The following VPS4B variants were observed in gnomAD, a reference collection of about 807,000 sequenced individuals.
VPS4B encodes vacuolar protein sorting 4 homolog B, also known as vacuolar protein sorting-associated protein 4B.
VPS4B carries 23 observed loss-of-function variants against 56.1 expected under a neutral mutation model. That is an observed-to-expected ratio of 0.41 (90% CI 0.30 to 0.58). The LOEUF (loss-of-function observed/expected upper bound fraction) is 0.58. Ranked by LOEUF, VPS4B falls within the 20% of genes least tolerant of loss-of-function variation. The probability of loss-of-function intolerance (pLI) is 0.29; values close to 1 mark genes in which losing one functional copy is unlikely to be tolerated. For missense variants in VPS4B, 372 were observed against 531.9 expected, an observed-to-expected ratio of 0.70 and a Z score of 2.96; for synonymous variants, 177 against 186.0, an observed-to-expected ratio of 0.95 and a Z score of 0.39.
intron 4 of VPS4B, 136 bp from the exon 5 acceptor site, chr18:63,403,962 G>C (rs1370310810): frequency 1.0e-6 from 1 of 997,152 alleles, no homozygotes; most frequent in Non-Finnish European, 1.4e-6. Flanking sequence ...TTTTGAAATA[G>C]CGTGAGCAGG....
chr18:63,396,787 G>C, intron 9 of VPS4B: 1 of 409,264 alleles, frequency 2.4e-6, no homozygotes, highest in Non-Finnish European at 4.4e-6. Flanking sequence ...TCAGGAGTTC[G>C]AGACCAGCCT....
At chr18:63,399,179 G>A in intron 8 of VPS4B, 63 bp downstream of exon 8, 11 of 1,428,958 alleles carry the variant, frequency 7.7e-6, no homozygotes, top group Non-Finnish European at 1.1e-5. Flanking sequence ...AAGACAAAAA[G>A]AGAATTATCA....
chr18:63,411,655 GT>G (rs11383277), intron 1 of VPS4B, 77 bp from the exon 2 acceptor site: 8,818 of 746,428 alleles, frequency 0.012, no homozygotes, highest in Non-Finnish European at 0.013. Flanking sequence ...CATACTGAAA[GT>G]TTTTTTTTTT....
chr18:63,400,630 A>C lies in VPS4B; in HGVS notation c.558T>G (p.Ala186=). The change falls in exon 6 of 11, where the codon GCT becomes GCG. Residue 186 remains alanine (A), a synonymous_variant. Coordinates refer to ENST00000238497, the MANE Select transcript of VPS4B (RefSeq NM_004869.4). The part of the protein sequence containing the change: ...PGTGKSYLAK[A]VATEANNSTF... ...TTGAGTTGTTGGCTTCTGTTGCTAC[A>C]GCTTTGGCTAAGTAGGACTTTCCTG... 6.2e-7 allele frequency: 1 copy of C among 1,611,736 alleles called. No individual in the cohort carries two copies. Among genetic ancestry groups the C allele is most frequent in the Non-Finnish European group, 8.5e-7 (1 of 1,179,496 alleles).
In VPS4B at chr18:63,410,354, T is replaced by TTTTCAG; in HGVS notation, c.226_231dup (p.Leu76_Lys77dup). 1 of 1,614,112 alleles carries TTTTCAG rather than the reference T, an allele frequency of 6.2e-7. No homozygotes were observed. The highest frequency in any genetic ancestry group is 1.1e-5 in the South Asian group (1 of 91,086). ...GGCTTCTGTGCTTTTTTCTCTTTAT[T>TTTTCAG]TTTCAGGTACTCCTTTAGTTTTTCT... On this transcript the variant is annotated inframe_insertion, in exon 3 of 11. Coordinates refer to ENST00000238497, the MANE Select transcript of VPS4B (RefSeq NM_004869.4).
At chr18:63,408,289 CAT>C (rs3837895) in intron 3 of VPS4B, among the ~76,000 whole-genome samples, 33,053 of 151,878 alleles carry the variant, frequency 0.22, 4,444 homozygotes, top group East Asian at 0.37. Flanking sequence ...AAAACAATAA[CAT>C]ATAAAGGGAG....
chr18:63,400,235 G>T (rs766511734), intron 6 of VPS4B, 39 bp from the exon 7 acceptor site: 1 of 1,552,706 alleles, frequency 6.4e-7, no homozygotes, highest in East Asian at 2.3e-5. Context: ...CTAAAAAATA[G>T]TAAAAGATTA....
chr18:63,422,281 C>T lies in VPS4B; in HGVS notation c.-22G>A, dbSNP rs1568093847. ...ACATGGCGGAGTTCCCAGGCGGTTCCCAAGGGAACGAGGGGCGAGGAGAGC... is the reference window on the plus strand; with the variant it reads ...ACATGGCGGAGTTCCCAGGCGGTTCTCAAGGGAACGAGGGGCGAGGAGAGC... On this transcript the variant is annotated 5_prime_UTR_variant, in exon 1 of 11. Transcript: ENST00000238497. 1.3e-6 allele frequency: 2 copies of T among 1,500,448 alleles called. No homozygotes were observed. The highest frequency in any genetic ancestry group is 1.8e-6 in the Non-Finnish European group (2 of 1,123,532). The allele number at this position is 1,500,448 out of a possible 1,614,324, so 92.9% of individuals were successfully genotyped here.
chr18:63,422,274 G>A lies in VPS4B; in HGVS notation c.-15C>T, dbSNP rs575277637. ...GTGGATGACATGGCGGAGTTCCCAG[G>A]CGGTTCCCAAGGGAACGAGGGGCGA... On this transcript the variant is annotated 5_prime_UTR_variant, in exon 1 of 11. Coordinates refer to ENST00000238497, the MANE Select transcript of VPS4B (RefSeq NM_004869.4). The A allele has an allele frequency of 1.7e-5, 26 of 1,506,048 alleles. No homozygotes were observed. In the South Asian group the frequency reaches 2.7e-4, roughly 15 times the overall value. 93.3% of individuals were successfully genotyped at this position (1,506,048 alleles called of 1,614,324 possible).
chr18:63,410,822 T>A (rs1234898645), intron 2 of VPS4B, among the ~76,000 whole-genome samples: 1 of 152,230 alleles, frequency 6.6e-6, no homozygotes, highest in African/African-American at 2.4e-5. Context: ...AGGAAAGCAG[T>A]ATTAATCATT....
intron 5 of VPS4B, among the ~76,000 whole-genome samples, chr18:63,403,114 A>T (rs2144421805): frequency 6.6e-6 from 1 of 152,342 alleles, no homozygotes; most frequent in South Asian, 2.1e-4. Context: ...TGATAATGAA[A>T]TGTCCTTTTG....
intron 1 of VPS4B, among the ~76,000 whole-genome samples, chr18:63,421,934 T>C (rs977887180): frequency 2.6e-5 from 4 of 152,198 alleles, no homozygotes; most frequent in African/African-American, 4.8e-5. Flanking sequence ...TCTTTCTTTC[T>C]CCGTTAACCC....
chr18:63,422,275 C>T lies in VPS4B; in HGVS notation c.-16G>A. 1 of 1,504,264 alleles carries T rather than the reference C, an allele frequency of 6.6e-7. No homozygotes were observed. Among genetic ancestry groups the T allele is most frequent in the Non-Finnish European group, 8.9e-7 (1 of 1,124,670 alleles). 93.2% of individuals were successfully genotyped at this position (1,504,264 alleles called of 1,614,324 possible). A position where few individuals can be genotyped will look rare whatever the true frequency, so the allele number is the denominator to read the frequency against. ...TGGATGACATGGCGGAGTTCCCAGG[C>T]GGTTCCCAAGGGAACGAGGGGCGAG... On this transcript the variant is annotated 5_prime_UTR_variant, in exon 1 of 11. Transcript: ENST00000238497.
At chr18:63,420,720 A>C (rs1916278042) in intron 1 of VPS4B, among the ~76,000 whole-genome samples, 1 of 152,166 alleles carries the variant, frequency 6.6e-6, no homozygotes, top group Non-Finnish European at 1.5e-5. Flanking sequence ...AAGATTGCTG[A>C]ATCTTAGTTT....
intron 4 of VPS4B, among the ~76,000 whole-genome samples, chr18:63,405,158 G>C: frequency 6.6e-6 from 1 of 151,942 alleles, no homozygotes; most frequent in Non-Finnish European, 1.5e-5. Context: ...TCTCATACTA[G>C]ACATGGTTTG....
intron 9 of VPS4B, among the ~76,000 whole-genome samples, chr18:63,395,085 T>A (rs1915640109): frequency 6.6e-6 from 1 of 152,204 alleles, no homozygotes; most frequent in Non-Finnish European, 1.5e-5. Flanking sequence ...AGAGGTCTGC[T>A]GCAGCTGGTG....
chr18:63,396,156 T>C (rs1038558602), intron 9 of VPS4B, among the ~76,000 whole-genome samples: 1 of 151,986 alleles, frequency 6.6e-6, no homozygotes, highest in African/African-American at 2.4e-5. Flanking sequence ...CAGCCTTACA[T>C]CTGTACATTT....
chr18:63,393,401 T>C lies in VPS4B; in HGVS notation c.1233+8A>G, dbSNP rs1915599565. On this transcript the variant is annotated splice_region_variant and intron_variant, in intron 10 of 10. Coordinates refer to ENST00000238497, the MANE Select transcript of VPS4B (RefSeq NM_004869.4). The stretch of plus-strand genomic sequence containing the variant: ...AATATTTTCTTAAAAACAAACAAAA[T>C]TTCAAACCATGGAAACAACTGGCTC... The C allele has an allele frequency of 1.9e-6, 3 of 1,577,640 alleles. No individual in the cohort carries two copies. The East Asian group carries it at 6.8e-5, about 36-fold the overall frequency.
chr18:63,408,560 A>G (rs147980701), intron 3 of VPS4B, among the ~76,000 whole-genome samples: 7 of 152,270 alleles, frequency 4.6e-5, no homozygotes, highest in African/African-American at 1.7e-4. Flanking sequence ...GCTGCTCACA[A>G]GGAGACAGAA....
Sources: gnomAD v4.1 joint callset for allele counts (sites outside exome capture counted in the v4.1 genomes callset) on GRCh38, gnomAD v4.1.1 for gene constraint, MANE v1.5 for transcripts, NCBI Gene and HGNC (gene_info 2026-07-23, HGNC 2026-07-21) for gene names.